Variants in VIT observed in about 807,000 individuals in gnomAD.
VIT encodes vitrin.
VIT carries 99 observed loss-of-function variants against 78.0 expected under a neutral mutation model. That is an observed-to-expected ratio of 1.27 (90% CI 1.08 to 1.50). VIT has a LOEUF of 1.50. Ranked by LOEUF, VIT falls within the 40% of genes most tolerant of loss-of-function variation. The pLI is 0.00. For missense variants in VIT, 1,126 were observed against 875.3 expected, an observed-to-expected ratio of 1.29 and a Z score of -3.61; for synonymous variants, 374 against 334.3, an observed-to-expected ratio of 1.12 and a Z score of -1.29.
intron 4 of VIT, among the ~76,000 whole-genome samples, chr2:36,744,849 G>T (rs1558533767): frequency 6.6e-6 from 1 of 151,906 alleles, no homozygotes; most frequent in Non-Finnish European, 1.5e-5. Context: ...TTTTGTTTTT[G>T]TTGCAATTGC....
At chr2:36,753,698 C>T (rs974796998) in intron 4 of VIT, among the ~76,000 whole-genome samples, 1 of 152,110 alleles carries the variant, frequency 6.6e-6, no homozygotes, top group African/African-American at 2.4e-5. Flanking sequence ...ACAGCAGCAT[C>T]GTCAGAGCCA....
intron 1 of VIT, among the ~76,000 whole-genome samples, chr2:36,707,745 G>C (rs966089656): frequency 4.6e-5 from 7 of 151,874 alleles, no homozygotes; most frequent in Non-Finnish European, 8.8e-5. Flanking sequence ...GCCTGACTCG[G>C]AGTACATCTT....
At chr2:36,703,510 C>A (rs536713836) in intron 1 of VIT, among the ~76,000 whole-genome samples, 76 of 152,308 alleles carry the variant, frequency 5.0e-4, no homozygotes, top group African/African-American at 1.7e-3. Flanking sequence ...AATTACAATA[C>A]ACTCAAATGT....
intron 4 of VIT, among the ~76,000 whole-genome samples, chr2:36,749,385 A>C (rs1482724903): frequency 6.6e-6 from 1 of 152,218 alleles, no homozygotes; most frequent in Non-Finnish European, 1.5e-5. Context: ...GGATTAAGTC[A>C]CTACCTAAAT....
chr2:36,751,368 C>T (rs947938526), intron 4 of VIT, among the ~76,000 whole-genome samples: 1 of 152,196 alleles, frequency 6.6e-6, no homozygotes, highest in African/African-American at 2.4e-5. Flanking sequence ...TGCACTCCAG[C>T]CTGGGTAACA....
At chr2:36,702,143 C>T (rs1293122190) in intron 1 of VIT, among the ~76,000 whole-genome samples, 1 of 152,100 alleles carries the variant, frequency 6.6e-6, no homozygotes, top group Non-Finnish European at 1.5e-5. Context: ...TATGTGGGTC[C>T]CTCAGGGAAG....
intron 3 of VIT, among the ~76,000 whole-genome samples, chr2:36,741,205 G>A (rs1382119259): frequency 6.6e-6 from 1 of 152,108 alleles, no homozygotes; most frequent in African/African-American, 2.4e-5. Flanking sequence ...GACCACACTG[G>A]CATCTTCATC....
At chr2:36,727,645 A>G (rs988926407) in intron 2 of VIT, among the ~76,000 whole-genome samples, 1 of 152,200 alleles carries the variant, frequency 6.6e-6, no homozygotes, top group Non-Finnish European at 1.5e-5. Flanking sequence ...TACAAACTAG[A>G]CATCTCTTTT....
At chr2:36,736,639 G>A (rs1049120111) in intron 3 of VIT, among the ~76,000 whole-genome samples, 55 of 152,180 alleles carry the variant, frequency 3.6e-4, no homozygotes, top group African/African-American at 1.3e-3. Flanking sequence ...TGCCCATCCT[G>A]CAAAGTCTGT....
At chr2:36,719,690 G>T (rs1483341913) in intron 2 of VIT, among the ~76,000 whole-genome samples, 1 of 152,198 alleles carries the variant, frequency 6.6e-6, no homozygotes, top group African/African-American at 2.4e-5. Flanking sequence ...TGTAATCCCA[G>T]CACCTTGCGT....
chr2:36,792,113 T>C (rs1312139783), intron 12 of VIT, among the ~76,000 whole-genome samples: 3 of 152,146 alleles, frequency 2.0e-5, no homozygotes, highest in Non-Finnish European at 4.4e-5. Context: ...GGGTCCTGCC[T>C]CAGACCTATT....
chr2:36,784,662 A>C (rs534421129), intron 11 of VIT, among the ~76,000 whole-genome samples: 1 of 152,324 alleles, frequency 6.6e-6, no homozygotes, highest in Non-Finnish European at 1.5e-5. Context: ...ACAGCAATTA[A>C]ATACATTGAT....
At chr2:36,712,816 C>G (rs1478148153) in intron 1 of VIT, among the ~76,000 whole-genome samples, 3 of 152,236 alleles carry the variant, frequency 2.0e-5, no homozygotes, top group Non-Finnish European at 4.4e-5. Flanking sequence ...GCCTGGGCGA[C>G]AGAGCGAGAC....
At chr2:36,759,324 T>A in intron 6 of VIT, 2 of 1,433,512 alleles carry the variant, frequency 1.4e-6, no homozygotes, top group South Asian at 3.0e-5. Context: ...AGTTTTAATG[T>A]ATTGTTGCTT....
chr2:36,804,832 G>GAA (rs796835021), intron 13 of VIT, among the ~76,000 whole-genome samples: 2 of 141,172 alleles, frequency 1.4e-5, no homozygotes, highest in African/African-American at 5.2e-5. Context: ...CTGTCTCAGG[G>GAA]AAAAAAAAAA....
intron 6 of VIT, 192 bp downstream of exon 6, chr2:36,759,238 T>G: frequency 6.6e-7 from 1 of 1,515,856 alleles, no homozygotes; most frequent in Non-Finnish European, 8.8e-7. Context: ...AATGAAAGCT[T>G]TATTTTTTGT....
At position 36,708,117 on chromosome 2, in the gene VIT, C is replaced by G. The variant is rs376609226; in HGVS notation, c.-18-8236C>G. On this transcript the variant is annotated intron_variant, in intron 1 of 15. Coordinates refer to ENST00000379242, the MANE Select transcript of VIT (RefSeq NM_053276.4). Reference sequence around the variant, plus strand: ...ACCACATTGTAAAGGACCTCCCCCCCCCGCCCACCTAGTGCCAGCTTCCTT... The same window carrying G: ...ACCACATTGTAAAGGACCTCCCCCCGCCGCCCACCTAGTGCCAGCTTCCTT... Among the ~76,000 whole-genome samples, 23 of 148,532 alleles carry G rather than the reference C, an allele frequency of 1.5e-4. No individual in the cohort carries two copies. In the South Asian group the frequency reaches 1.7e-3, roughly 11 times the overall value.
chr2:36,773,890 GCTT>G (rs1669905303), intron 8 of VIT, 43 bp downstream of exon 8: 5 of 1,562,644 alleles, frequency 3.2e-6, no homozygotes, highest in Non-Finnish European at 4.3e-6. Flanking sequence ...TGAAAGTTAA[GCTT>G]GTTTACATGC....
intron 14 of VIT, among the ~76,000 whole-genome samples, chr2:36,807,967 C>G (rs1666851757): frequency 6.6e-6 from 1 of 152,196 alleles, no homozygotes; most frequent in African/African-American, 2.4e-5. Flanking sequence ...GATGGGACCC[C>G]TAACATGTGG....
Sources: allele counts gnomAD v4.1 joint callset (sites outside exome capture counted in the v4.1 genomes callset), GRCh38; gene constraint gnomAD v4.1.1; transcripts MANE v1.5; gene names NCBI Gene and HGNC (gene_info 2026-07-23, HGNC 2026-07-21).